The following TMPRSS11B variants were observed in gnomAD, a reference collection of about 807,000 sequenced individuals.
TMPRSS11B encodes the protein transmembrane serine protease 11B.
Under a neutral mutation model 44.7 loss-of-function variants are expected in TMPRSS11B, and 53 were observed. The ratio of observed to expected loss-of-function variants is 1.19; its 90% CI spans 0.95 to 1.49. The LOEUF is 1.49. TMPRSS11B is among the 40% of genes most tolerant of loss of function. The probability of loss-of-function intolerance (pLI) is 0.00; values close to 1 mark genes in which losing one functional copy is unlikely to be tolerated. For missense variants in TMPRSS11B, 526 were observed against 494.8 expected, an observed-to-expected ratio of 1.06 and a Z score of -0.60; for synonymous variants, 140 against 159.2, an observed-to-expected ratio of 0.88 and a Z score of 0.91.
At chr4:68,234,334 G>C in intron 5 of TMPRSS11B, 129 bp downstream of exon 5, 2 of 837,856 alleles carry the variant, frequency 2.4e-6, no homozygotes, top group Non-Finnish European at 3.6e-6. Flanking sequence ...ATTGCTAGGG[G>C]TGCCAGAGTT....
At chr4:68,244,434 G>A (rs1310411940) in intron 1 of TMPRSS11B, among the ~76,000 whole-genome samples, 1 of 152,176 alleles carries the variant, frequency 6.6e-6, no homozygotes, top group Non-Finnish European at 1.5e-5. Context: ...AGACTAGCCT[G>A]GCCAACATGG....
Position 68,232,449 on chromosome 4 carries a change from T to C in TMPRSS11B, c.470-33A>G, listed in dbSNP as rs529956809. ...TGAAAAACAAAACAAAATATAAAATTGAGCAAATATCACCAAGCAATTGAC... is the reference window on the plus strand; with the variant it reads ...TGAAAAACAAAACAAAATATAAAATCGAGCAAATATCACCAAGCAATTGAC... On this transcript the variant is annotated intron_variant, in intron 5 of 9. Transcript: ENST00000332644. 1.5e-5 allele frequency: 24 copies of C among 1,599,160 alleles called. No individual in the cohort carries two copies. The African/African-American group carries it at 2.6e-4, about 17-fold the overall frequency.
chr4:68,235,008 G>A (rs1389397031), intron 4 of TMPRSS11B, among the ~76,000 whole-genome samples: 1 of 152,072 alleles, frequency 6.6e-6, no homozygotes, highest in Non-Finnish European at 1.5e-5. Flanking sequence ...TAAAGATAGG[G>A]CAGGGAAGCA....
intron 2 of TMPRSS11B, among the ~76,000 whole-genome samples, chr4:68,239,795 C>A (rs1719774558): frequency 6.6e-6 from 1 of 152,116 alleles, no homozygotes; most frequent in South Asian, 2.1e-4. Flanking sequence ...AGGTCATGCC[C>A]CGGTCCAACT....
At chr4:68,228,179 C>T (rs1719409853) in intron 9 of TMPRSS11B, 107 bp from the exon 10 acceptor site, 3 of 1,047,406 alleles carry the variant, frequency 2.9e-6, no homozygotes, top group African/African-American at 3.2e-5. Flanking sequence ...AATTCACTCT[C>T]TTTGGGCTTA....
intron 9 of TMPRSS11B, among the ~76,000 whole-genome samples, chr4:68,228,473 G>A (rs1244547442): frequency 6.6e-6 from 1 of 152,156 alleles, no homozygotes. Context: ...CAGAAAATAG[G>A]ACAAAATTCA....
In TMPRSS11B at chr4:68,228,066, A is replaced by T. The variant is rs1326311023; in HGVS notation, c.1096T>A (p.Ser366Thr). The T allele has an allele frequency of 6.3e-7, 1 of 1,596,358 alleles. No individual in the cohort carries two copies. Among genetic ancestry groups the T allele is most frequent in the Admixed American group, 1.8e-5 (1 of 54,198 alleles). Residue 366 changes from serine (S) to threonine (T), a missense_variant, in exon 10 of 10, where the codon TCT (serine) becomes ACT (threonine). Physicochemically the swap from Ser to Thr is moderately conservative, Grantham distance 58 (BLOSUM62 1). Transcript: ENST00000332644. ...SGEADACQND[S>T]GGPLAYPDSR... ...TCAGGGTAAGCTAGTGGTCCACCAG[A>T]ATCATTCTAGAAGAAGAAAAGAAAA...
chr4:68,227,785 G>T lies in TMPRSS11B; in HGVS notation c.*126C>A. On this transcript the variant is annotated 3_prime_UTR_variant, in exon 10 of 10. Transcript: ENST00000332644. ...TTAGATATAATAAAATATTAATAAA[G>T]ACATTTATATTTTTATATATAATAA... The T allele has an allele frequency of 2.0e-6, 1 of 498,162 alleles. No individual in the cohort carries two copies. Among genetic ancestry groups the T allele is most frequent in the Non-Finnish European group, 3.0e-6 (1 of 335,838 alleles). The allele number at this position is 498,162 out of a possible 1,614,324, so 30.9% of individuals were successfully genotyped here. A position where few individuals can be genotyped will look rare whatever the true frequency, so the allele number is the denominator to read the frequency against.
In TMPRSS11B at chr4:68,245,471, A is replaced by T. The variant is rs111285494; in HGVS notation, c.8+80T>A. On this transcript the variant is annotated intron_variant, in intron 1 of 9. Transcript: ENST00000332644. ...AAAAACTAAATTATAAAAACAGTCAATTAACAAAAAACTAGAACATACTTA... is the reference window on the plus strand; with the variant it reads ...AAAAACTAAATTATAAAAACAGTCATTTAACAAAAAACTAGAACATACTTA... 3.3e-3 allele frequency: 4,858 copies of T among 1,462,758 alleles called. 118 individuals are homozygous for T. In the African/African-American group the frequency reaches 0.06, roughly 18 times the overall value. 90.6% of individuals were successfully genotyped at this position (1,462,758 alleles called of 1,614,324 possible).
At chr4:68,245,418 A>G (rs1251580540) in intron 1 of TMPRSS11B, 133 bp downstream of exon 1, 2 of 966,764 alleles carry the variant, frequency 2.1e-6, no homozygotes, top group Non-Finnish European at 3.3e-6. Flanking sequence ...CTCAGACAAT[A>G]GAGTGTTTCT....
intron 1 of TMPRSS11B, among the ~76,000 whole-genome samples, chr4:68,243,926 T>C (rs909128399): frequency 1.4e-4 from 22 of 152,176 alleles, no homozygotes; most frequent in Admixed American, 5.2e-4. Context: ...TTATTGACTA[T>C]AGCTCTGACA....
chr4:68,242,589 A>C (rs1260541879), intron 1 of TMPRSS11B, among the ~76,000 whole-genome samples: 5 of 142,920 alleles, frequency 3.5e-5, no homozygotes, highest in African/African-American at 1.3e-4. Flanking sequence ...CTTTTTTTTG[A>C]GACAGAGCCT....
chr4:68,228,668 A>C (rs1719420204), intron 9 of TMPRSS11B, 74 bp downstream of exon 9: 5 of 1,510,556 alleles, frequency 3.3e-6, no homozygotes, highest in African/African-American at 1.4e-5. Flanking sequence ...TTAACACAAA[A>C]AAAATTTTAT....
chr4:68,237,481 A>G (rs1434948489), intron 2 of TMPRSS11B, among the ~76,000 whole-genome samples: 1 of 152,054 alleles, frequency 6.6e-6, no homozygotes, highest in African/African-American at 2.4e-5. Flanking sequence ...TGCTGGGTCA[A>G]ATGGTATTTC....
At chr4:68,242,829 A>C (rs1719897974) in intron 1 of TMPRSS11B, among the ~76,000 whole-genome samples, 1 of 152,104 alleles carries the variant, frequency 6.6e-6, no homozygotes, top group African/African-American at 2.4e-5. Context: ...GGCCTCCCAA[A>C]GTGTTGGGAT....
chr4:68,239,392 T>G (rs1166092576), intron 2 of TMPRSS11B, among the ~76,000 whole-genome samples: 3 of 152,184 alleles, frequency 2.0e-5, no homozygotes, highest in Non-Finnish European at 4.4e-5. Flanking sequence ...AGAATCCAGC[T>G]ATTTAGAAGC....
chr4:68,241,400 A>G (rs1389563217), intron 2 of TMPRSS11B, among the ~76,000 whole-genome samples: 5 of 152,126 alleles, frequency 3.3e-5, no homozygotes, highest in African/African-American at 7.2e-5. Context: ...AGGATGTAAC[A>G]ATTCAACTAC....
intron 5 of TMPRSS11B, 124 bp from the exon 6 acceptor site, chr4:68,232,540 G>A: frequency 1.3e-6 from 1 of 794,426 alleles, no homozygotes; most frequent in Non-Finnish European, 2.0e-6. Context: ...ACTATTTGGA[G>A]TAGTTCAGGT....
intron 1 of TMPRSS11B, among the ~76,000 whole-genome samples, chr4:68,242,336 A>ATATATATATTATATATAATATTATAT (rs1719873900): frequency 1.8e-4 from 2 of 11,254 alleles, no homozygotes; most frequent in Admixed American, 1.0e-3. Flanking sequence ...ATATTATATT[A>ATATATATATTATATATAATATTATAT]TATATATATT....
Sources: gnomAD v4.1 joint callset for allele counts (sites outside exome capture counted in the v4.1 genomes callset) on GRCh38, gnomAD v4.1.1 for gene constraint, MANE v1.5 for transcripts, NCBI Gene and HGNC (gene_info 2026-07-23, HGNC 2026-07-21) for gene names.